Variants in FGF13 observed in about 807,000 individuals in gnomAD.
FGF13 encodes the protein fibroblast growth factor homologous factor 2.
In FGF13, 2 loss-of-function variants were observed where a neutral mutation model predicts 19.5. That is an observed-to-expected ratio of 0.10 (90% CI 0.04 to 0.32). FGF13 has a LOEUF of 0.32. FGF13 is among the 10% of genes least tolerant of loss of function. The pLI, the probability that FGF13 is intolerant of heterozygous loss-of-function variation, is 1.00. For missense variants in FGF13, 113 were observed against 192.7 expected (o/e 0.59, Z 2.45); for synonymous variants, 72 against 76.9 (o/e 0.94, Z 0.33).
At chrX:139,141,741 T>C (rs1297917656) in intron 1 of FGF13, among the ~76,000 whole-genome samples, 4 of 112,629 alleles carry the variant, frequency 3.6e-5, no homozygotes, top group Non-Finnish European at 5.6e-5. Context: ...TATTAACTTA[T>C]GTATATTTAG....
At chrX:138,954,885 T>C (rs1036978579) in intron 1 of FGF13, among the ~76,000 whole-genome samples, 21 of 112,043 alleles carry the variant, frequency 1.9e-4, no homozygotes, top group African/African-American at 6.8e-4. Context: ...AATCACCATG[T>C]TTGAATGATG....
At chrX:138,880,229 G>A (rs189235298) in intron 1 of FGF13, among the ~76,000 whole-genome samples, 45 of 112,179 alleles carry the variant, frequency 4.0e-4, no homozygotes, top group Non-Finnish European at 1.3e-4. Context: ...TTACACTGTT[G>A]ATGGGAGTGT....
chrX:138,751,822 T>C (rs1013673214), intron 3 of FGF13, among the ~76,000 whole-genome samples: 1 of 111,749 alleles, frequency 8.9e-6, no homozygotes, highest in African/African-American at 3.3e-5. Context: ...TTAAACATGT[T>C]TTTCCATTGT....
intron 1 of FGF13, among the ~76,000 whole-genome samples, chrX:138,867,207 AG>A (rs1346619054): frequency 9.0e-6 from 1 of 110,895 alleles, no homozygotes; most frequent in Non-Finnish European, 1.9e-5. Flanking sequence ...CAGGAGTTTG[AG>A]ACCAGCCTGG....
At chrX:138,866,671 G>C (rs1040380455) in intron 1 of FGF13, among the ~76,000 whole-genome samples, 3 of 111,254 alleles carry the variant, frequency 2.7e-5, no homozygotes, top group African/African-American at 9.8e-5. Flanking sequence ...TGATAGCTAG[G>C]GTTAAGTGTA....
intron 3 of FGF13, among the ~76,000 whole-genome samples, chrX:138,675,324 T>C (rs1265346380): frequency 2.7e-5 from 3 of 112,159 alleles, no homozygotes; most frequent in African/African-American, 9.7e-5. Context: ...AATATTTTTC[T>C]TTAAAGTCCT....
chrX:138,698,355 G>T (rs2089915483), intron 3 of FGF13, among the ~76,000 whole-genome samples: 1 of 110,829 alleles, frequency 9.0e-6, no homozygotes, highest in African/African-American at 3.3e-5. Context: ...AAATGCAAAA[G>T]AAGGTAGAAT....
chrX:138,686,811 C>A (rs1177557070), intron 3 of FGF13, among the ~76,000 whole-genome samples: 1 of 111,586 alleles, frequency 9.0e-6, no homozygotes, highest in Non-Finnish European at 1.9e-5. Context: ...TATATAAAGC[C>A]TCTTAAAGGC....
chrX:138,899,835 G>T (rs995031212), intron 1 of FGF13, among the ~76,000 whole-genome samples: 2 of 54,427 alleles, frequency 3.7e-5, no homozygotes, highest in African/African-American at 1.3e-4. Flanking sequence ...TCAAGAAATT[G>T]CCTGCAATTA....
intron 1 of FGF13, among the ~76,000 whole-genome samples, chrX:139,190,360 T>C (rs1391057400): frequency 9.2e-6 from 1 of 108,865 alleles, no homozygotes; most frequent in Non-Finnish European, 1.9e-5. Flanking sequence ...ACCATAATAA[T>C]TGGTTGCTTG....
At chrX:138,703,674 GAA>G (rs1468276320) in intron 2 of FGF13, among the ~76,000 whole-genome samples, 1 of 111,993 alleles carries the variant, frequency 8.9e-6, no homozygotes, top group South Asian at 3.7e-4. Flanking sequence ...CTTGTAAAAA[GAA>G]AAAGTCATTT....
chrX:139,038,120 C>T (rs1039518729), intron 1 of FGF13, among the ~76,000 whole-genome samples: 6 of 110,984 alleles, frequency 5.4e-5, no homozygotes, highest in African/African-American at 2.0e-4. Context: ...TTATGTTCCT[C>T]TACCAAAAAC....
intron 1 of FGF13, among the ~76,000 whole-genome samples, chrX:139,062,100 G>C (rs1051033960): frequency 1.8e-5 from 2 of 111,058 alleles, no homozygotes; most frequent in African/African-American, 6.5e-5. Flanking sequence ...TTCTTTTGCT[G>C]TCTGTTCTTT....
At chrX:138,960,439 T>C (rs2091863693) in intron 1 of FGF13, among the ~76,000 whole-genome samples, 1 of 111,923 alleles carries the variant, frequency 8.9e-6, no homozygotes, top group Non-Finnish European at 1.9e-5. Flanking sequence ...CCTTTCTCTC[T>C]GGCTGCCCTT....
chrX:138,736,660 G>T (rs904842350), intron 1 of FGF13, among the ~76,000 whole-genome samples: 10 of 110,386 alleles, frequency 9.1e-5, no homozygotes, highest in African/African-American at 3.3e-4. Flanking sequence ...TAAACATATT[G>T]TTTCCTAAGT....
chrX:139,076,225 G>C (rs1180644883), intron 1 of FGF13, among the ~76,000 whole-genome samples: 1 of 111,202 alleles, frequency 9.0e-6, no homozygotes, highest in Non-Finnish European at 1.9e-5. Context: ...TAACACTGAA[G>C]TACTCTGTAG....
chrX:139,133,936 G>C (rs1430104439), intron 1 of FGF13, among the ~76,000 whole-genome samples: 1 of 111,859 alleles, frequency 8.9e-6, no homozygotes, highest in Non-Finnish European at 1.9e-5. Context: ...AACTAGAAGA[G>C]TCAGGAGGCT....
chrX:138,660,297 T>C (rs1181645657), intron 3 of FGF13, among the ~76,000 whole-genome samples: 2 of 111,717 alleles, frequency 1.8e-5, no homozygotes, highest in African/African-American at 6.5e-5. Flanking sequence ...TGTTGTAGCC[T>C]TTCCTGACAG....
chrX:138,912,593 G>A (rs1385733799), intron 1 of FGF13, among the ~76,000 whole-genome samples: 2 of 111,893 alleles, frequency 1.8e-5, no homozygotes, highest in South Asian at 3.7e-4. Flanking sequence ...GTGGCCTAAC[G>A]AGCAGATTAA....
Sources: allele counts gnomAD v4.1 joint callset (sites outside exome capture counted in the v4.1 genomes callset), GRCh38; gene constraint gnomAD v4.1.1; transcripts MANE v1.5; gene names NCBI Gene and HGNC (gene_info 2026-07-23, HGNC 2026-07-21).